Variants in AP5M1 observed in about 807,000 individuals in gnomAD.
AP5M1 encodes AP-5 complex subunit mu-1.
In AP5M1, 44 loss-of-function variants were observed where a neutral mutation model predicts 52.3. That is an observed-to-expected ratio of 0.84 (90% CI 0.66 to 1.08). The LOEUF (loss-of-function observed/expected upper bound fraction) is 1.08, where lower values mean the gene tolerates loss of function less well. Ranked by LOEUF, AP5M1 falls within the 50% of genes least tolerant of loss-of-function variation. The pLI, the probability that AP5M1 is intolerant of heterozygous loss-of-function variation, is 0.00. For synonymous variants in AP5M1, 213 were observed against 199.0 expected (o/e 1.07, Z -0.59); for missense variants, 526 against 568.4 (o/e 0.93, Z 0.76).
rs1047975812 is a variant in AP5M1 at position 57,295,365 on chromosome 14, ATTCT to A, written c.*6485_*6488del. The stretch of plus-strand genomic sequence containing the variant: ...AGAACAAGCAAATTGCTGTTGAAAA[ATTCT>A]TTCAGCACTCTGCTGTTGCTACTCA... On this transcript the variant is annotated 3_prime_UTR_variant, in exon 8 of 8. Coordinates refer to ENST00000261558, the MANE Select transcript of AP5M1 (RefSeq NM_018229.4). 1.3e-5 allele frequency: 2 copies of A among 151,970 alleles called. No homozygotes were observed. The highest frequency in any genetic ancestry group is 2.9e-5 in the Non-Finnish European group (2 of 67,908). 9.4% of individuals were successfully genotyped at this position (151,970 alleles called of 1,614,324 possible). A position where few individuals can be genotyped will look rare whatever the true frequency, so the allele number is the denominator to read the frequency against.
chr14:57,289,928 A>G lies in AP5M1; in HGVS notation c.*1044A>G, dbSNP rs1342161513. On this transcript the variant is annotated 3_prime_UTR_variant, in exon 8 of 8. Transcript: ENST00000261558. ...CTACCTGCTTCTGCAATTATATATC[A>G]TATTATGTTTTCAGAGCAGTTCATT... The G allele has an allele frequency of 1.3e-5, 2 of 151,924 alleles. No individual in the cohort carries two copies. The highest frequency in any genetic ancestry group is 2.9e-5 in the Non-Finnish European group (2 of 67,928). The allele number at this position is 151,924 out of a possible 1,614,324, so 9.4% of individuals were successfully genotyped here. A position where few individuals can be genotyped will look rare whatever the true frequency, so the allele number is the denominator to read the frequency against.
chr14:57,285,905 T>C (rs1382157769), intron 6 of AP5M1, among the ~76,000 whole-genome samples: 1 of 152,156 alleles, frequency 6.6e-6, no homozygotes, highest in Non-Finnish European at 1.5e-5. Context: ...TACCAATTGC[T>C]TCCATCTTTG....
Position 57,279,624 on chromosome 14 carries a change from A to G in AP5M1, c.721-571A>G, listed in dbSNP as rs181990720. Among the ~76,000 whole-genome samples, 220 of 152,258 alleles carry G rather than the reference A, an allele frequency of 1.4e-3. 2 individuals are homozygous for G. The highest frequency in any genetic ancestry group is 3.9e-3 in the Admixed American group (59 of 15,300). ...GGGATGATCTGTGCAGCAAAACACC[A>G]TGGCCCACGTTTACATATGTAACAA... is the stretch of plus-strand genomic sequence containing the variant. On this transcript the variant is annotated intron_variant, in intron 2 of 7. Transcript: ENST00000261558.
rs770266489 is a variant in AP5M1, at chr14:57,274,490, T to C, written c.321T>C (p.Ala107=). 1.2e-6 allele frequency: 2 copies of C among 1,614,194 alleles called. No homozygotes were observed. Among genetic ancestry groups the C allele is most frequent in the South Asian group, 1.1e-5 (1 of 91,084 alleles). ...VAFLKNDMIY[A]CVPLVEQTLS... ...TTCTGAAGAATGACATGATATATGC[T>C]TGTGTTCCACTAGTTGAACAAACTC... The change falls in exon 2 of 8, where the codon GCT becomes GCC. Residue 107 remains alanine (A), a synonymous_variant. Transcript: ENST00000261558.
Position 57,298,356 on chromosome 14 carries a change from A to T in AP5M1, c.*9472A>T, listed in dbSNP as rs142749870. 6.6e-6 allele frequency: 1 copy of T among 152,172 alleles called. No individual in the cohort carries two copies. The highest frequency in any genetic ancestry group is 1.5e-5 in the Non-Finnish European group (1 of 68,030). The allele number at this position is 152,172 out of a possible 1,614,324, so 9.4% of individuals were successfully genotyped here. The stretch of plus-strand genomic sequence containing the variant: ...CATAAAGGCAAAGTGGTATAGAGAA[A>T]ATAATACAGTCTTTGAAGTCACACA... On this transcript the variant is annotated 3_prime_UTR_variant, in exon 8 of 8. Coordinates refer to ENST00000261558, the MANE Select transcript of AP5M1 (RefSeq NM_018229.4).
intron 2 of AP5M1, among the ~76,000 whole-genome samples, chr14:57,277,934 G>T (rs1292614005): frequency 6.6e-6 from 1 of 152,100 alleles, no homozygotes; most frequent in Non-Finnish European, 1.5e-5. Context: ...GACAGTTAAT[G>T]CGTGGTGCAA....
chr14:57,291,324 G>T lies in AP5M1; in HGVS notation c.*2440G>T, dbSNP rs1183808629. 6.6e-6 allele frequency: 1 copy of T among 151,636 alleles called. No homozygotes were observed. The highest frequency in any genetic ancestry group is 2.4e-5 in the African/African-American group (1 of 41,320). The allele number at this position is 151,636 out of a possible 1,614,324, so 9.4% of individuals were successfully genotyped here. ...CCTTTTAGTGCCAAAATATGATTAT[G>T]AAATCTGATGTCTATCACATAGGTA... is the stretch of plus-strand genomic sequence containing the variant. On this transcript the variant is annotated 3_prime_UTR_variant, in exon 8 of 8. Coordinates refer to ENST00000261558, the MANE Select transcript of AP5M1 (RefSeq NM_018229.4).
chr14:57,269,377 G>A lies in AP5M1; in HGVS notation c.63G>A (p.Val21=). 1 of 1,614,176 alleles carries A rather than the reference G, an allele frequency of 6.2e-7. No individual in the cohort carries two copies. Among genetic ancestry groups the A allele is most frequent in the Non-Finnish European group, 8.5e-7 (1 of 1,180,012 alleles). The change falls in exon 1 of 8, where the codon GTG becomes GTA. Residue 21 remains valine, a synonymous_variant. Coordinates refer to ENST00000261558, the MANE Select transcript of AP5M1 (RefSeq NM_018229.4). ...HEPGTPLCGT[V]RFSRRYPTVE... ...CGGGAACTCCACTTTGTGGCACCGTGAGATTCTCCAGGTAAATGCAAATCT... is the reference window on the plus strand; with the variant it reads ...CGGGAACTCCACTTTGTGGCACCGTAAGATTCTCCAGGTAAATGCAAATCT...
chr14:57,270,362 T>C (rs1440530922), intron 1 of AP5M1, among the ~76,000 whole-genome samples: 1 of 152,186 alleles, frequency 6.6e-6, no homozygotes, highest in Non-Finnish European at 1.5e-5. Context: ...TCTCTGGCCA[T>C]TGATAGTTCT....
chr14:57,288,735 A>G, intron 7 of AP5M1, 67 bp from the exon 8 acceptor site: 1 of 945,180 alleles, frequency 1.1e-6, no homozygotes, highest in South Asian at 1.4e-5. Flanking sequence ...TTCAAAAATC[A>G]TGACTTTGCT....
chr14:57,273,179 A>C (rs1884935624), intron 1 of AP5M1, among the ~76,000 whole-genome samples: 1 of 152,152 alleles, frequency 6.6e-6, no homozygotes, highest in African/African-American at 2.4e-5. Context: ...CCCTCAAGTG[A>C]TCTGCCCACC....
intron 7 of AP5M1, among the ~76,000 whole-genome samples, chr14:57,288,243 A>G (rs1885354932): frequency 6.6e-6 from 1 of 151,840 alleles, no homozygotes; most frequent in Non-Finnish European, 1.5e-5. Flanking sequence ...TTATTATCTC[A>G]ACTTTACATA....
intron 2 of AP5M1, among the ~76,000 whole-genome samples, chr14:57,278,877 T>C (rs1390985573): frequency 6.6e-6 from 1 of 152,108 alleles, no homozygotes; most frequent in African/African-American, 2.4e-5. Context: ...GCAAAAGGCA[T>C]GTACAGACCC....
intron 7 of AP5M1, among the ~76,000 whole-genome samples, chr14:57,287,388 A>G (rs1306499365): frequency 6.6e-6 from 1 of 152,138 alleles, no homozygotes; most frequent in Admixed American, 6.6e-5. Context: ...TATAATTTCT[A>G]CTATGTAATG....
Position 57,290,655 on chromosome 14 carries a change from G to C in AP5M1, c.*1771G>C, listed in dbSNP as rs749672139. ...TTCTAGAAACCGGAGGAAAATCTAG[G>C]GTGTCCTGGAAAAGTGATGAGGTGT... On this transcript the variant is annotated 3_prime_UTR_variant, in exon 8 of 8. Transcript: ENST00000261558. 6.6e-6 allele frequency: 1 copy of C among 151,794 alleles called. No individual in the cohort carries two copies. Among genetic ancestry groups the C allele is most frequent in the African/African-American group, 2.4e-5 (1 of 41,362 alleles). 9.4% of individuals were successfully genotyped at this position (151,794 alleles called of 1,614,324 possible).
chr14:57,275,913 CTTTA>C lies in AP5M1; in HGVS notation c.720+1028_720+1031del, dbSNP rs200663358. 4.0e-3 allele frequency among the ~76,000 whole-genome samples: 616 copies of C among 152,202 alleles called. 16 individuals are homozygous for C. Among genetic ancestry groups the C allele is most frequent in the Admixed American group, 0.034 (527 of 15,286 alleles). On this transcript the variant is annotated intron_variant, in intron 2 of 7. Transcript: ENST00000261558. ...GTTTATATTAATAGTATTCTCATTT[CTTTA>C]TTTTTCTATCTTCCTTTATTCCCTG...
chr14:57,283,083 A>C (rs998135827), intron 5 of AP5M1, 29 bp from the exon 6 acceptor site: 1 of 1,582,336 alleles, frequency 6.3e-7, no homozygotes, highest in Admixed American at 1.8e-5. Context: ...CTTAATTTAG[A>C]ATTGTTTATT....
In AP5M1 at chr14:57,291,746, G is replaced by A. The variant is rs1885439844; in HGVS notation, c.*2862G>A. ...CATTGTATGATTTAAGATCTTTCAA[G>A]GCAGACATTTATACTTGGTAACAAT... On this transcript the variant is annotated 3_prime_UTR_variant, in exon 8 of 8. Transcript: ENST00000261558. 1 of 151,688 alleles carries A rather than the reference G, an allele frequency of 6.6e-6. No homozygotes were observed. 9.4% of individuals were successfully genotyped at this position (151,688 alleles called of 1,614,324 possible).
In AP5M1 at chr14:57,274,572, C is replaced by A. The variant is rs368987446; in HGVS notation, c.403C>A (p.Leu135Ile). ...TGGAGTTTCACAAGGCTTTGAATTT[C>A]TTTTTGGGATACAGGATTTTCTTTA... ...VSGVSQGFEF[L>I]FGIQDFLYSG... The change falls in exon 2 of 8, where the codon CTT becomes ATT. Residue 135 changes from leucine (L) to isoleucine (I), a missense_variant. Leu to Ile is a conservative substitution (Grantham distance 5). Coordinates refer to ENST00000261558, the MANE Select transcript of AP5M1 (RefSeq NM_018229.4). 10 of 1,613,966 alleles carry A rather than the reference C, an allele frequency of 6.2e-6. No homozygotes were observed. In the African/African-American group the frequency reaches 1.1e-4, roughly 17 times the overall value.
Sources: allele counts gnomAD v4.1 joint callset (sites outside exome capture counted in the v4.1 genomes callset), GRCh38; gene constraint gnomAD v4.1.1; transcripts MANE v1.5; gene names NCBI Gene and HGNC (gene_info 2026-07-23, HGNC 2026-07-21).